Variants in CCSER1 observed in about 807,000 individuals in gnomAD.
CCSER1 encodes the protein coiled-coil serine rich protein 1.
Under a neutral mutation model 82.0 loss-of-function variants are expected in CCSER1, and 41 were observed. The observed-to-expected ratio is 0.50, with a 90% CI of 0.39 to 0.65. The LOEUF is 0.65. CCSER1 is among the 30% of genes least tolerant of loss of function. CCSER1 has a pLI of 0.00. For synonymous variants in CCSER1, 414 were observed against 383.9 expected, an observed-to-expected ratio of 1.08 and a Z score of -0.92; for missense variants, 1,119 against 1,064.2, an observed-to-expected ratio of 1.05 and a Z score of -0.72.
At chr4:90,379,953 A>G (rs1036006513) in intron 3 of CCSER1, among the ~76,000 whole-genome samples, 12 of 151,948 alleles carry the variant, frequency 7.9e-5, no homozygotes, top group African/African-American at 2.2e-4. Flanking sequence ...GAGAAGGGGG[A>G]ATTGCTACAC....
intron 10 of CCSER1, among the ~76,000 whole-genome samples, chr4:91,593,243 C>T (rs1186903726): frequency 1.3e-5 from 2 of 151,966 alleles, no homozygotes; most frequent in Admixed American, 1.3e-4. Context: ...TTAAATTGCC[C>T]GTGCAATGTG....
chr4:91,551,700 C>CACACACACACACAA (rs1491222711), intron 10 of CCSER1, among the ~76,000 whole-genome samples: 2 of 139,224 alleles, frequency 1.4e-5, no homozygotes, highest in African/African-American at 5.4e-5. Context: ...CACACACACA[C>CACACACACACACAA]AATCAGTCAA....
intron 10 of CCSER1, among the ~76,000 whole-genome samples, chr4:91,180,469 T>C (rs1024559429): frequency 1.3e-4 from 20 of 152,222 alleles, no homozygotes; most frequent in African/African-American, 4.6e-4. Flanking sequence ...TAGTTCGAGC[T>C]TCCTTGCCAC....
chr4:91,008,351 A>G (rs1249991420), intron 9 of CCSER1, among the ~76,000 whole-genome samples: 5 of 152,142 alleles, frequency 3.3e-5, no homozygotes, highest in African/African-American at 1.2e-4. Flanking sequence ...CTTTATATCT[A>G]TTGATATTTG....
chr4:91,018,608 T>A (rs1293431123), intron 9 of CCSER1, among the ~76,000 whole-genome samples: 1 of 152,108 alleles, frequency 6.6e-6, no homozygotes, highest in Non-Finnish European at 1.5e-5. Flanking sequence ...CTGCATAATG[T>A]GGCATCTGCT....
In CCSER1 at chr4:90,344,502, G is replaced by A. The variant is rs72881658; in HGVS notation, c.1509+31455G>A. Among the ~76,000 whole-genome samples, 455 of 151,948 alleles carry A rather than the reference G, an allele frequency of 3.0e-3. 2 individuals are homozygous for A. The highest frequency in any genetic ancestry group is 0.01 in the African/African-American group (421 of 41,462). ...TACAGATACTTCTCGCCTTACAATG[G>A]GGTTACATACCAATAAACCCAATAG... On this transcript the variant is annotated intron_variant, in intron 3 of 10. Coordinates refer to ENST00000509176, the MANE Select transcript of CCSER1 (RefSeq NM_001145065.2).
intron 1 of CCSER1, among the ~76,000 whole-genome samples, chr4:90,167,091 A>T (rs1349006907): frequency 6.6e-6 from 1 of 152,096 alleles, no homozygotes; most frequent in African/African-American, 2.4e-5. Context: ...TTAGCCAGAT[A>T]AAATAAAATT....
intron 10 of CCSER1, among the ~76,000 whole-genome samples, chr4:91,151,841 G>A (rs1730239480): frequency 6.6e-6 from 1 of 152,204 alleles, no homozygotes; most frequent in Non-Finnish European, 1.5e-5. Flanking sequence ...CTGAGAAACA[G>A]TTTGTTATAA....
chr4:90,557,398 G>T (rs1280211907), intron 5 of CCSER1, among the ~76,000 whole-genome samples: 1 of 151,970 alleles, frequency 6.6e-6, no homozygotes, highest in Non-Finnish European at 1.5e-5. Flanking sequence ...AGATGATTAT[G>T]TTCCTACTAA....
intron 6 of CCSER1, among the ~76,000 whole-genome samples, chr4:90,656,037 C>A (rs1314404477): frequency 6.6e-6 from 1 of 151,760 alleles, no homozygotes; most frequent in Non-Finnish European, 1.5e-5. Context: ...TCTCTTCTAC[C>A]CTTACATTGT....
chr4:91,439,096 G>A (rs149660579), intron 10 of CCSER1, among the ~76,000 whole-genome samples: 5,985 of 152,162 alleles, frequency 0.039, 177 homozygotes, highest in Non-Finnish European at 0.059. Context: ...ATCTAGCAAG[G>A]CACGCCAACA....
chr4:90,627,588 A>T (rs900943613), intron 5 of CCSER1, among the ~76,000 whole-genome samples: 1 of 152,118 alleles, frequency 6.6e-6, no homozygotes, highest in African/African-American at 2.4e-5. Context: ...TAATGGAAAG[A>T]TTATATCCTA....
intron 6 of CCSER1, among the ~76,000 whole-genome samples, chr4:90,632,984 C>T (rs1724714494): frequency 6.6e-6 from 1 of 152,006 alleles, no homozygotes; most frequent in South Asian, 2.1e-4. Flanking sequence ...CCTAATTGCC[C>T]TTACAAGTTC....
chr4:91,302,829 T>C (rs1744775059), intron 10 of CCSER1, among the ~76,000 whole-genome samples: 1 of 151,698 alleles, frequency 6.6e-6, no homozygotes, highest in Non-Finnish European at 1.5e-5. Context: ...TTTTTTGTCA[T>C]TTGTAAATCG....
chr4:90,271,844 ATATATATATATATATATATTTTT>A lies in CCSER1; in HGVS notation c.-41-36398_-41-36376del, dbSNP rs1371833582. On this transcript the variant is annotated intron_variant, in intron 1 of 10. Transcript: ENST00000509176. Reference sequence around the variant, plus strand: ...GGACAATTTATATATATATATATATATATATATATATATATATATTTTTTTTTTTTTTTTTTTTTTTTTTTTAA... The same window carrying A: ...GGACAATTTATATATATATATATATATTTTTTTTTTTTTTTTTTTTTTTAA... 8.9e-4 allele frequency among the ~76,000 whole-genome samples: 20 copies of A among 22,418 alleles called. 1 individual carries two copies. The highest frequency in any genetic ancestry group is 5.5e-3 in the African/African-American group (17 of 3,074). The allele number at this position is 22,418 out of a possible 152,430, so 14.7% of individuals were successfully genotyped here.
chr4:90,737,382 G>C (rs916772029), intron 7 of CCSER1, among the ~76,000 whole-genome samples: 13 of 152,026 alleles, frequency 8.6e-5, no homozygotes, highest in Non-Finnish European at 1.6e-4. Context: ...ATCTTTGCTG[G>C]ATAAACTATT....
chr4:90,388,737 C>T (rs557310541), intron 3 of CCSER1, among the ~76,000 whole-genome samples: 5 of 152,096 alleles, frequency 3.3e-5, no homozygotes, highest in East Asian at 3.9e-4. Context: ...CTCGGTTCAA[C>T]GGATTCTCCT....
chr4:91,275,933 T>C (rs779410463), intron 10 of CCSER1, among the ~76,000 whole-genome samples: 5 of 152,154 alleles, frequency 3.3e-5, no homozygotes, highest in Non-Finnish European at 5.9e-5. Flanking sequence ...CTCCAATTTA[T>C]TTTTTTGGTG....
intron 10 of CCSER1, among the ~76,000 whole-genome samples, chr4:91,341,345 A>G (rs1015744224): frequency 1.3e-5 from 2 of 152,300 alleles, no homozygotes; most frequent in South Asian, 2.1e-4. Flanking sequence ...GCAGTGTAAT[A>G]GGGTGATATG....
Sources: gnomAD v4.1 joint callset for allele counts (sites outside exome capture counted in the v4.1 genomes callset) on GRCh38, gnomAD v4.1.1 for gene constraint, MANE v1.5 for transcripts, NCBI Gene and HGNC (gene_info 2026-07-23, HGNC 2026-07-21) for gene names.